The following GLIPR1L2 variants were observed in gnomAD, a reference collection of about 807,000 sequenced individuals.
GLIPR1L2 encodes GLIPR1-like protein 2.
A neutral mutation model predicts 28.4 loss-of-function variants in GLIPR1L2; 21 were observed. The observed-to-expected ratio is 0.74, with a 90% CI of 0.52 to 1.06. GLIPR1L2 has a LOEUF of 1.06. Among genes scored for constraint, GLIPR1L2 ranks in the 50% least tolerant of loss-of-function variants. The probability of loss-of-function intolerance (pLI) is 0.00; values close to 1 mark genes in which losing one functional copy is unlikely to be tolerated. For synonymous variants in GLIPR1L2, 145 were observed against 139.3 expected, an observed-to-expected ratio of 1.04 and a Z score of -0.29; for missense variants, 476 against 416.9, an observed-to-expected ratio of 1.14 and a Z score of -1.23.
intron 1 of GLIPR1L2, among the ~76,000 whole-genome samples, chr12:75,393,924 C>T (rs2045656969): frequency 6.6e-6 from 1 of 151,282 alleles, no homozygotes; most frequent in South Asian, 2.1e-4. Flanking sequence ...TTTTATTTTC[C>T]TTATTCCTCT....
At chr12:75,424,085 T>C (rs1448699795) in intron 4 of GLIPR1L2, 2 of 152,268 alleles carry the variant, frequency 1.3e-5, no homozygotes, top group Non-Finnish European at 2.9e-5. Context: ...ATGTACCCAG[T>C]AATGGGATTA....
intron 1 of GLIPR1L2, among the ~76,000 whole-genome samples, chr12:75,402,234 C>A (rs1003028319): frequency 6.6e-6 from 1 of 152,088 alleles, no homozygotes; most frequent in African/African-American, 2.4e-5. Flanking sequence ...ACCGTAACAG[C>A]AATGCTTTAG....
At chr12:75,404,871 T>C (rs1206352980) in intron 1 of GLIPR1L2, among the ~76,000 whole-genome samples, 1 of 152,152 alleles carries the variant, frequency 6.6e-6, no homozygotes, top group African/African-American at 2.4e-5. Flanking sequence ...CTTAAAGTTA[T>C]GTTAGATTAA....
At chr12:75,417,090 A>AT (rs1464003801) in intron 3 of GLIPR1L2, among the ~76,000 whole-genome samples, 1 of 151,374 alleles carries the variant, frequency 6.6e-6, no homozygotes, top group Non-Finnish European at 1.5e-5. Context: ...ACCTGTCAAT[A>AT]TTACTTAAAT....
intron 4 of GLIPR1L2, among the ~76,000 whole-genome samples, chr12:75,426,380 G>A (rs748092533): frequency 6.6e-6 from 1 of 152,198 alleles, no homozygotes; most frequent in African/African-American, 2.4e-5. Context: ...AACACTAAGG[G>A]AGTGAAGGTC....
intron 1 of GLIPR1L2, among the ~76,000 whole-genome samples, chr12:75,403,965 A>G (rs977545948): frequency 6.6e-6 from 1 of 152,202 alleles, no homozygotes; most frequent in Non-Finnish European, 1.5e-5. Flanking sequence ...TTTCACCTAA[A>G]AAGTAGTTCA....
chr12:75,400,969 A>T (rs1444462504), intron 1 of GLIPR1L2, among the ~76,000 whole-genome samples: 1 of 151,934 alleles, frequency 6.6e-6, no homozygotes, highest in Non-Finnish European at 1.5e-5. Flanking sequence ...TGTAATTTTA[A>T]ACATGGTAAT....
At chr12:75,412,474 C>T (rs1440784359) in intron 2 of GLIPR1L2, among the ~76,000 whole-genome samples, 1 of 152,038 alleles carries the variant, frequency 6.6e-6, no homozygotes, top group African/African-American at 2.4e-5. Flanking sequence ...CCAGAATCTA[C>T]AATGAACTCA....
At chr12:75,392,579 T>C (rs1031143926) in intron 1 of GLIPR1L2, among the ~76,000 whole-genome samples, 14 of 152,142 alleles carry the variant, frequency 9.2e-5, no homozygotes, top group Non-Finnish European at 2.1e-4. Flanking sequence ...AATTCAATTA[T>C]AGAGTTTGGG....
chr12:75,417,106 A>C (rs1311923052), intron 3 of GLIPR1L2, among the ~76,000 whole-genome samples: 1 of 152,062 alleles, frequency 6.6e-6, no homozygotes, highest in African/African-American at 2.4e-5. Flanking sequence ...TAAATGGCAA[A>C]AGTGTGAATA....
intron 3 of GLIPR1L2, among the ~76,000 whole-genome samples, chr12:75,417,039 G>GC (rs917522401): frequency 7.9e-5 from 12 of 151,950 alleles, no homozygotes; most frequent in African/African-American, 1.9e-4. Context: ...GATGAATGGT[G>GC]CCCCCCCTAC....
chr12:75,393,068 A>G (rs73191021), intron 1 of GLIPR1L2, among the ~76,000 whole-genome samples: 2,237 of 152,144 alleles, frequency 0.015, 33 homozygotes, highest in South Asian at 0.052. Flanking sequence ...TACTTTTTAT[A>G]AATTCCAAAA....
At chr12:75,397,417 T>C (rs1410775855) in intron 1 of GLIPR1L2, among the ~76,000 whole-genome samples, 1 of 152,120 alleles carries the variant, frequency 6.6e-6, no homozygotes, top group East Asian at 1.9e-4. Flanking sequence ...AGTTCTCTTG[T>C]TTTAGCTACT....
chr12:75,398,348 A>T (rs1042469777), intron 1 of GLIPR1L2, among the ~76,000 whole-genome samples: 6 of 146,150 alleles, frequency 4.1e-5, no homozygotes, highest in Non-Finnish European at 6.1e-5. Context: ...AAAAAAAAAA[A>T]AAACTTTTAT....
intron 4 of GLIPR1L2, among the ~76,000 whole-genome samples, chr12:75,430,254 A>C (rs1011563247): frequency 1.3e-5 from 2 of 152,216 alleles, no homozygotes; most frequent in Admixed American, 1.3e-4. Context: ...CAGGCTATAG[A>C]GCTAACTTTA....
rs2045853493 is a variant in GLIPR1L2, at chr12:75,410,433, G to C, written c.235-1G>C. 6.5e-7 allele frequency: 1 copy of C among 1,540,140 alleles called. No individual in the cohort carries two copies. The highest frequency in any genetic ancestry group is 2.0e-5 in the Admixed American group (1 of 49,844). Reference sequence around the variant, plus strand: ...CTCTTTGCTTTTTGAATATTTTTCAGACTTGGGATGTAGCTTTATCACGGA... The same window carrying C: ...CTCTTTGCTTTTTGAATATTTTTCACACTTGGGATGTAGCTTTATCACGGA... On this transcript the variant is annotated splice_acceptor_variant, in intron 1 of 5. Transcript: ENST00000550916. LOFTEE classifies it high-confidence loss of function.
rs111765415 is a variant in GLIPR1L2 at position 75,411,397 on chromosome 12, G to A, written c.480+718G>A. 5.5e-4 allele frequency among the ~76,000 whole-genome samples: 83 copies of A among 151,866 alleles called. 1 individual carries two copies. The highest frequency in any genetic ancestry group is 1.7e-3 in the African/African-American group (70 of 41,492). ...TTCAATCAATAGACCCTGATGTCAC[G>A]TTTTATGTAGAACTTAATACTTTGG... is the stretch of plus-strand genomic sequence containing the variant. On this transcript the variant is annotated intron_variant, in intron 2 of 5. Transcript: ENST00000550916.
intron 3 of GLIPR1L2, 30 bp downstream of exon 3, chr12:75,413,731 T>C (rs781012569): frequency 7.5e-6 from 8 of 1,065,980 alleles, no homozygotes; most frequent in Admixed American, 5.5e-5. Context: ...TAAAAGAATA[T>C]AAAAATCAGA....
At chr12:75,413,373 G>A (rs1317083239) in intron 2 of GLIPR1L2, among the ~76,000 whole-genome samples, 1 of 147,678 alleles carries the variant, frequency 6.8e-6, no homozygotes, top group Non-Finnish European at 1.5e-5. Context: ...AAAAAAAAAA[G>A]AATATGTTAT....
Sources: gnomAD v4.1 joint callset for allele counts (sites outside exome capture counted in the v4.1 genomes callset) on GRCh38, gnomAD v4.1.1 for gene constraint, MANE v1.5 for transcripts, NCBI Gene and HGNC (gene_info 2026-07-23, HGNC 2026-07-21) for gene names.